Variants in HS3ST5 observed in about 807,000 individuals in gnomAD.
HS3ST5 encodes heparan sulfate glucosamine 3-O-sulfotransferase 5.
Under a neutral mutation model 25.4 loss-of-function variants are expected in HS3ST5, and 10 were observed. The ratio of observed to expected loss-of-function variants is 0.39; its 90% CI spans 0.24 to 0.67. The LOEUF (loss-of-function observed/expected upper bound fraction) is 0.67, where lower values mean the gene tolerates loss of function less well. Among genes scored for constraint, HS3ST5 ranks in the 30% least tolerant of loss-of-function variants. The pLI is 0.44. For missense variants in HS3ST5, 324 were observed against 420.7 expected, an observed-to-expected ratio of 0.77 and a Z score of 2.01; for synonymous variants, 170 against 162.4, an observed-to-expected ratio of 1.05 and a Z score of -0.36.
At chr6:114,168,862 C>T (rs767240702) in intron 2 of HS3ST5, among the ~76,000 whole-genome samples, 25 of 152,150 alleles carry the variant, frequency 1.6e-4, no homozygotes, top group Admixed American at 3.9e-4. Flanking sequence ...TTGTGTATCT[C>T]CAGACCTGTT....
At chr6:114,340,244 G>A (rs1429404794) in intron 1 of HS3ST5, among the ~76,000 whole-genome samples, 5 of 152,034 alleles carry the variant, frequency 3.3e-5, no homozygotes, top group Admixed American at 2.6e-4. Flanking sequence ...CTAGAAACCA[G>A]GATCCCAGTA....
chr6:114,062,956 A>G (rs751259909), intron 3 of HS3ST5, 79 bp from the exon 4 acceptor site: 41 of 743,360 alleles, frequency 5.5e-5, no homozygotes, highest in Non-Finnish European at 8.9e-5. Context: ...GGTGGAAGAC[A>G]GGTGATAAGT....
At chr6:114,117,551 T>C (rs1309160025) in intron 3 of HS3ST5, among the ~76,000 whole-genome samples, 2 of 152,176 alleles carry the variant, frequency 1.3e-5, no homozygotes, top group African/African-American at 4.8e-5. Context: ...AGTTAAATGC[T>C]AAACAAGTAT....
At chr6:114,261,430 A>C (rs1052131755) in intron 1 of HS3ST5, among the ~76,000 whole-genome samples, 4 of 152,156 alleles carry the variant, frequency 2.6e-5, no homozygotes, top group Admixed American at 2.6e-4. Context: ...GATGCATGAG[A>C]GGGAAGCTGG....
rs568321636 is a variant in HS3ST5 at position 114,184,247 on chromosome 6, T to C, written c.-144-15785A>G. The stretch of plus-strand genomic sequence containing the variant: ...TGGTTTGGTTGCTCCTGACTGCTTA[T>C]AGTAAAATGTAATAGAGAAAAATGA... On this transcript the variant is annotated intron_variant, in intron 2 of 4. Coordinates refer to ENST00000312719, the MANE Select transcript of HS3ST5 (RefSeq NM_153612.4). Among the ~76,000 whole-genome samples the C allele has an allele frequency of 2.0e-4, 30 of 152,114 alleles. No homozygotes were observed. The South Asian group carries it at 5.8e-3, about 29-fold the overall frequency.
intron 3 of HS3ST5, among the ~76,000 whole-genome samples, chr6:114,138,767 C>T (rs1390195047): frequency 2.0e-5 from 3 of 152,090 alleles, no homozygotes; most frequent in African/African-American, 7.2e-5. Flanking sequence ...TGTCTTAGTC[C>T]CTGCAAGCTG....
At chr6:114,310,527 C>CT (rs370173160) in intron 1 of HS3ST5, among the ~76,000 whole-genome samples, 70 of 146,200 alleles carry the variant, frequency 4.8e-4, no homozygotes, top group South Asian at 1.1e-3. Flanking sequence ...CACCAAATAG[C>CT]TTTTTTTTTT....
intron 3 of HS3ST5, among the ~76,000 whole-genome samples, chr6:114,071,813 C>T (rs547364984): frequency 7.9e-4 from 120 of 152,240 alleles, no homozygotes; most frequent in African/African-American, 2.0e-3. Context: ...TGCCTAGATT[C>T]GCTGATTGTT....
chr6:114,107,669 A>G (rs929087362), intron 3 of HS3ST5, among the ~76,000 whole-genome samples: 3 of 152,244 alleles, frequency 2.0e-5, no homozygotes, highest in African/African-American at 7.2e-5. Flanking sequence ...AGGTTGCAGA[A>G]TACAAGTTGA....
chr6:114,249,319 T>C (rs1046099940), intron 1 of HS3ST5, among the ~76,000 whole-genome samples: 1 of 152,244 alleles, frequency 6.6e-6, no homozygotes, highest in South Asian at 2.1e-4. Flanking sequence ...TGTACTTTAA[T>C]TGTGTCAACA....
chr6:114,175,862 A>G (rs2115013431), intron 2 of HS3ST5, among the ~76,000 whole-genome samples: 1 of 152,340 alleles, frequency 6.6e-6, no homozygotes, highest in Non-Finnish European at 1.5e-5. Flanking sequence ...GGGCCATTGT[A>G]TAAAAAAGAC....
chr6:114,224,393 G>A (rs1028125953), intron 2 of HS3ST5, among the ~76,000 whole-genome samples: 7 of 151,278 alleles, frequency 4.6e-5, no homozygotes, highest in South Asian at 2.1e-4. Flanking sequence ...AATTCATAAT[G>A]TTTATAGGCT....
chr6:114,335,172 G>C (rs1188588085), intron 1 of HS3ST5, among the ~76,000 whole-genome samples: 1 of 152,020 alleles, frequency 6.6e-6, no homozygotes, highest in Non-Finnish European at 1.5e-5. Flanking sequence ...TCCTTCCTGG[G>C]CCTCAATTAC....
chr6:114,074,794 T>C (rs1319055793), intron 3 of HS3ST5, among the ~76,000 whole-genome samples: 3 of 152,070 alleles, frequency 2.0e-5, no homozygotes, highest in Non-Finnish European at 2.9e-5. Flanking sequence ...TTTATAAATA[T>C]TTAATAAACC....
At position 114,224,339 on chromosome 6, in the gene HS3ST5, G is replaced by T. The variant is rs1021922304; in HGVS notation, c.-145+4246C>A. On this transcript the variant is annotated intron_variant, in intron 2 of 4. Transcript: ENST00000312719. ...CAAAGGATTTGAGAAAATCTTTCAT[G>T]ATATGGTCTATTTTGGGTAACTTCA... Among the ~76,000 whole-genome samples the T allele has an allele frequency of 3.3e-5, 5 of 151,666 alleles. No homozygotes were observed. The East Asian group carries it at 9.6e-4, about 29-fold the overall frequency.
At chr6:114,065,777 C>T (rs924547277) in intron 3 of HS3ST5, among the ~76,000 whole-genome samples, 2 of 152,186 alleles carry the variant, frequency 1.3e-5, no homozygotes, top group African/African-American at 4.8e-5. Context: ...GAAAAATGTT[C>T]TTGCCCCATG....
intron 1 of HS3ST5, among the ~76,000 whole-genome samples, chr6:114,282,290 C>T (rs1051292530): frequency 2.0e-5 from 3 of 152,004 alleles, no homozygotes; most frequent in African/African-American, 7.2e-5. Flanking sequence ...CATCTTTGAA[C>T]TCACTATTCC....
rs542033912 is a variant in HS3ST5, at chr6:114,284,233, C to T, written c.-338-55455G>A. Among the ~76,000 whole-genome samples the T allele has an allele frequency of 5.3e-5, 8 of 152,060 alleles. No homozygotes were observed. The South Asian group carries it at 1.7e-3, about 32-fold the overall frequency. On this transcript the variant is annotated intron_variant, in intron 1 of 4. Coordinates refer to ENST00000312719, the MANE Select transcript of HS3ST5 (RefSeq NM_153612.4). ...CTAAGTCTATTTTGGCTTCATTTTT[C>T]ACATTAAAAATCCATTCTTCATTCA...
intron 4 of HS3ST5, chr6:114,059,143 C>T (rs923406198): frequency 6.6e-6 from 1 of 152,154 alleles, no homozygotes; most frequent in Non-Finnish European, 1.5e-5. Flanking sequence ...TGATAGTAGA[C>T]GATGGTGACT....
Sources: gnomAD v4.1 joint callset for allele counts (sites outside exome capture counted in the v4.1 genomes callset) on GRCh38, gnomAD v4.1.1 for gene constraint, MANE v1.5 for transcripts, NCBI Gene and HGNC (gene_info 2026-07-23, HGNC 2026-07-21) for gene names.